The following RELN variants were observed in gnomAD, a reference collection of about 807,000 sequenced individuals.
RELN encodes reelin.
A neutral mutation model predicts 427.6 loss-of-function variants in RELN; 108 were observed. That is an observed-to-expected ratio of 0.25 (90% CI 0.22 to 0.30). The LOEUF is 0.30. Ranked by LOEUF, RELN falls within the 10% of genes least tolerant of loss-of-function variation. RELN has a pLI of 1.00. For missense variants in RELN, 3,715 were observed against 4,302.8 expected (o/e 0.86, Z 3.82); for synonymous variants, 1,524 against 1,513.4 (o/e 1.01, Z -0.16).
chr7:103,809,705 C>G (rs555968610), intron 3 of RELN, among the ~76,000 whole-genome samples: 1 of 152,222 alleles, frequency 6.6e-6, no homozygotes, highest in East Asian at 1.9e-4. Flanking sequence ...CATTGTAGAC[C>G]ATTAACATTG....
At chr7:103,955,864 G>T (rs923551934) in intron 1 of RELN, among the ~76,000 whole-genome samples, 8 of 152,246 alleles carry the variant, frequency 5.3e-5, no homozygotes, top group Admixed American at 2.6e-4. Context: ...TTTCTTTTGA[G>T]GTTAGGGGTC....
At chr7:103,842,341 T>C (rs1399398078) in intron 2 of RELN, among the ~76,000 whole-genome samples, 2 of 152,136 alleles carry the variant, frequency 1.3e-5, no homozygotes, top group Non-Finnish European at 2.9e-5. Context: ...AAAAATGAAT[T>C]ATAGAATTCC....
intron 19 of RELN, 126 bp from the exon 20 acceptor site, chr7:103,630,302 T>G: frequency 1.4e-6 from 1 of 699,132 alleles, no homozygotes; most frequent in East Asian, 2.7e-5. Flanking sequence ...TTATAAACAT[T>G]TTTTTTTGAG....
At chr7:103,907,414 GGAAAAAAAAAA>G (rs1430093968) in intron 2 of RELN, among the ~76,000 whole-genome samples, 4 of 39,690 alleles carry the variant, frequency 1.0e-4, no homozygotes, top group African/African-American at 3.8e-4. Context: ...TCAAGGCTCT[GGAAAAAAAAAA>G]AAAAAAAAAA....
chr7:103,778,230 C>T (rs986401845), intron 3 of RELN, among the ~76,000 whole-genome samples: 4 of 152,136 alleles, frequency 2.6e-5, no homozygotes, highest in East Asian at 1.9e-4. Context: ...GAGGGAACAC[C>T]GTAACTTTTT....
intron 2 of RELN, among the ~76,000 whole-genome samples, chr7:103,844,359 A>C (rs1186676545): frequency 6.6e-6 from 1 of 152,168 alleles, no homozygotes; most frequent in Admixed American, 6.6e-5. Context: ...ACTACTCAGC[A>C]CCATGATTCA....
intron 3 of RELN, among the ~76,000 whole-genome samples, chr7:103,806,748 A>G (rs1272090471): frequency 6.6e-6 from 1 of 152,198 alleles, no homozygotes; most frequent in Non-Finnish European, 1.5e-5. Context: ...TAAAAAATCA[A>G]TTTATCTTCT....
chr7:103,866,390 G>C (rs984442656), intron 2 of RELN, among the ~76,000 whole-genome samples: 2 of 151,944 alleles, frequency 1.3e-5, no homozygotes, highest in Non-Finnish European at 2.9e-5. Flanking sequence ...ACTTGCTTTC[G>C]GGTATGTTTG....
chr7:103,650,291 A>T lies in RELN; in HGVS notation c.1985T>A (p.Met662Lys). The T allele has an allele frequency of 6.2e-6, 10 of 1,605,330 alleles. 1 individual carries two copies. The highest frequency in any genetic ancestry group is 8.5e-6 in the Non-Finnish European group (10 of 1,172,356). ...ACACTAACCATTATCAATTGCCCAC[A>T]TGTTTCCAAGGATTGGTCCTGTTTG... is the stretch of plus-strand genomic sequence containing the variant. ...WRQTGPILGN[M>K]WAIDNVYIGP... is the part of the protein sequence containing the mutation. The change falls in exon 16 of 65, where the codon ATG becomes AAG. Residue 662 changes from methionine (M) to lysine (K), a missense_variant. Physicochemically the swap from Met to Lys is moderately conservative, Grantham distance 95 (BLOSUM62 -1). Around this residue, in one of 4 missense-constraint regions of RELN, gnomAD observed 2,208 missense variants for 2,361.7 expected, o/e 0.93. Transcript: ENST00000428762.
chr7:103,790,092 C>T (rs1192250636), intron 3 of RELN, among the ~76,000 whole-genome samples: 1 of 152,100 alleles, frequency 6.6e-6, no homozygotes, highest in African/African-American at 2.4e-5. Flanking sequence ...GAACAGAAAA[C>T]CAAATACTGC....
At chr7:103,742,609 C>T (rs1303367309) in intron 6 of RELN, among the ~76,000 whole-genome samples, 1 of 152,126 alleles carries the variant, frequency 6.6e-6, no homozygotes, top group African/African-American at 2.4e-5. Context: ...ACGAGAGCTA[C>T]ATGACGAATG....
Position 103,708,462 on chromosome 7 carries a change from C to CTTTTTTTT in RELN, c.806-7457_806-7456insAAAAAAAA, listed in dbSNP as rs1562965678. On this transcript the variant is annotated intron_variant, in intron 8 of 64. Transcript: ENST00000428762. ...GTCACCCAAACACCAGTGGGTATGA[C>CTTTTTTTT]TCTTTTTTTTTTTTTTTTTGAGACG... 5.2e-5 allele frequency among the ~76,000 whole-genome samples: 5 copies of CTTTTTTTT among 96,878 alleles called. No homozygotes were observed. The East Asian group carries it at 1.1e-3, about 22-fold the overall frequency. 63.6% of individuals were successfully genotyped at this position (96,878 alleles called of 152,430 possible). A position where few individuals can be genotyped will look rare whatever the true frequency, so the allele number is the denominator to read the frequency against.
intron 2 of RELN, among the ~76,000 whole-genome samples, chr7:103,886,275 C>T (rs1311063879): frequency 6.6e-6 from 1 of 152,168 alleles, no homozygotes; most frequent in Non-Finnish European, 1.5e-5. Flanking sequence ...GGATAGAGAA[C>T]TCATTATTCA....
At chr7:103,572,141 T>C (rs1201074553) in intron 31 of RELN, 43 bp downstream of exon 31, 6 of 1,130,960 alleles carry the variant, frequency 5.3e-6, no homozygotes, top group East Asian at 2.3e-5. Flanking sequence ...AGGACTAATC[T>C]GCCAATAGTA....
chr7:103,512,016 A>C (rs1252372713), intron 50 of RELN, among the ~76,000 whole-genome samples: 1 of 152,122 alleles, frequency 6.6e-6, no homozygotes, highest in Non-Finnish European at 1.5e-5. Flanking sequence ...TGCTGTTTAG[A>C]ACACCCAACA....
intron 6 of RELN, among the ~76,000 whole-genome samples, chr7:103,746,768 G>T: frequency 6.6e-6 from 1 of 150,734 alleles, no homozygotes; most frequent in Non-Finnish European, 1.5e-5. Context: ...GAAACAACAG[G>T]TGCTGGAGAG....
intron 8 of RELN, among the ~76,000 whole-genome samples, chr7:103,706,843 A>T (rs1834212648): frequency 6.6e-6 from 1 of 152,152 alleles, no homozygotes. Flanking sequence ...TTACTATGGG[A>T]GAAGATCACA....
In RELN at chr7:103,886,515, A is replaced by G. The variant is rs573636142; in HGVS notation, c.337+30560T>C. ...GGGATTATCTTTCATGTCCAAATTA[A>G]TGCACATCTTGATTTTAAGCAATGG... On this transcript the variant is annotated intron_variant, in intron 2 of 64. Transcript: ENST00000428762. Among the ~76,000 whole-genome samples, 17 of 152,306 alleles carry G rather than the reference A, an allele frequency of 1.1e-4. No homozygotes were observed. The East Asian group carries it at 2.7e-3, about 24-fold the overall frequency.
intron 24 of RELN, among the ~76,000 whole-genome samples, chr7:103,602,235 C>A (rs1372037725): frequency 6.6e-5 from 10 of 152,176 alleles, no homozygotes; most frequent in Admixed American, 6.5e-4. Context: ...TTCCATATCC[C>A]TGCTTTACAG....
Sources: allele counts gnomAD v4.1 joint callset (sites outside exome capture counted in the v4.1 genomes callset), GRCh38; gene constraint gnomAD v4.1.1; regional missense constraint gnomAD v4.1.1; transcripts MANE v1.5; gene names NCBI Gene and HGNC (gene_info 2026-07-23, HGNC 2026-07-21).